SHROOM3: variants seen among roughly 807,000 people sequenced by gnomAD.
The protein encoded by SHROOM3 is shroom family member 3, also known as protein Shroom3.
Under a neutral mutation model 138.6 loss-of-function variants are expected in SHROOM3, and 47 were observed. The observed-to-expected ratio is 0.34, with a 90% CI of 0.27 to 0.43. The LOEUF is 0.43. SHROOM3 is among the 20% of genes least tolerant of loss of function. SHROOM3 has a pLI of 1.00. For synonymous variants in SHROOM3, 1,062 were observed against 1,063.3 expected, an observed-to-expected ratio of 1.00 and a Z score of 0.02; for missense variants, 2,491 against 2,596.5, an observed-to-expected ratio of 0.96 and a Z score of 0.88.
intron 1 of SHROOM3, among the ~76,000 whole-genome samples, chr4:76,518,604 A>G (rs1732497774): frequency 6.7e-6 from 1 of 149,412 alleles, no homozygotes; most frequent in Non-Finnish European, 1.5e-5. Context: ...CCTGTGTTAA[A>G]TAATCTGAAT....
chr4:76,742,772 C>G (rs1356312775), intron 5 of SHROOM3, among the ~76,000 whole-genome samples: 1 of 152,182 alleles, frequency 6.6e-6, no homozygotes, highest in Non-Finnish European at 1.5e-5. Flanking sequence ...CCTCATGCTT[C>G]CCTTCCCACC....
At position 76,775,128 on chromosome 4, in the gene SHROOM3, C is replaced by A. The variant is rs1180420838; in HGVS notation, c.5623-3681C>A. On this transcript the variant is annotated intron_variant, in intron 10 of 10. Coordinates refer to ENST00000296043, the MANE Select transcript of SHROOM3 (RefSeq NM_020859.4). Reference sequence around the variant, plus strand: ...CCACCTCCCACCCTTCCCGCTGAGTCCCCGAAGTCCTTTGTATCCTTCTTA... The same window carrying A: ...CCACCTCCCACCCTTCCCGCTGAGTACCCGAAGTCCTTTGTATCCTTCTTA... Among the ~76,000 whole-genome samples the A allele has an allele frequency of 2.0e-5, 3 of 152,080 alleles. No individual in the cohort carries two copies. The East Asian group carries it at 5.8e-4, about 29-fold the overall frequency.
chr4:76,775,789 CATATATATACACACATACT>C lies in SHROOM3; in HGVS notation c.5623-3004_5623-2986del, dbSNP rs1722540819. On this transcript the variant is annotated intron_variant, in intron 10 of 10. Transcript: ENST00000296043. ...ATATGTGTACATACACATATATACA[CATATATATACACACATACT>C]ATATATATACACACACACACACACA... Among the ~76,000 whole-genome samples, 3 of 151,328 alleles carry C rather than the reference CATATATATACACACATACT, an allele frequency of 2.0e-5. No homozygotes were observed. In the South Asian group the frequency reaches 6.3e-4, roughly 32 times the overall value.
At chr4:76,671,604 C>T (rs1176342326) in intron 2 of SHROOM3, among the ~76,000 whole-genome samples, 1 of 152,176 alleles carries the variant, frequency 6.6e-6, no homozygotes, top group Non-Finnish European at 1.5e-5. Flanking sequence ...CTTTTGCAAT[C>T]CCTCAGTTCC....
chr4:76,748,246 A>G (rs557417221), intron 5 of SHROOM3, among the ~76,000 whole-genome samples: 51 of 152,340 alleles, frequency 3.3e-4, no homozygotes, highest in South Asian at 1.4e-3. Flanking sequence ...AAATGGCAAA[A>G]TAAATTACTG....
Position 76,739,986 on chromosome 4 carries a change from T to C in SHROOM3, c.1813T>C (p.Cys605Arg). The C allele has an allele frequency of 1.2e-6, 2 of 1,614,058 alleles. No individual in the cohort carries two copies. The highest frequency in any genetic ancestry group is 1.1e-5 in the South Asian group (1 of 91,092). ...ATCTTCTCATCCCCACAGCCTCAAATGCCCTCAGGCTCAGGCCTGGCAAGC... is the reference window on the plus strand; with the variant it reads ...ATCTTCTCATCCCCACAGCCTCAAACGCCCTCAGGCTCAGGCCTGGCAAGC... ...KPSSHPHSLK[C>R]PQAQAWQAGE... The change falls in exon 5 of 11, where the codon TGC (cysteine) becomes CGC (arginine). Residue 605 changes from cysteine (C) to arginine (R), a missense_variant. By Grantham distance (180) the Cys-to-Arg change is radical. This residue lies in a region of SHROOM3 where 1,733 missense variants were observed against 1,661.6 expected (regional missense o/e 1.04). Transcript: ENST00000296043.
chr4:76,694,068 A>T (rs1379745937), intron 2 of SHROOM3, among the ~76,000 whole-genome samples: 2 of 152,208 alleles, frequency 1.3e-5, no homozygotes, highest in Non-Finnish European at 2.9e-5. Flanking sequence ...TAGTTTATTT[A>T]ATCTATTAAG....
chr4:76,567,542 T>C (rs751948618), intron 2 of SHROOM3, among the ~76,000 whole-genome samples: 5 of 151,996 alleles, frequency 3.3e-5, no homozygotes, highest in African/African-American at 9.7e-5. Flanking sequence ...CCCAGCTACT[T>C]AGGAGGCTGA....
At chr4:76,614,599 C>T (rs975410602) in intron 2 of SHROOM3, among the ~76,000 whole-genome samples, 1 of 152,094 alleles carries the variant, frequency 6.6e-6, no homozygotes, top group Non-Finnish European at 1.5e-5. Context: ...GTTTTAAGCC[C>T]TGCATGCATT....
At chr4:76,524,984 A>G (rs1732659632) in intron 1 of SHROOM3, among the ~76,000 whole-genome samples, 1 of 152,228 alleles carries the variant, frequency 6.6e-6, no homozygotes, top group East Asian at 1.9e-4. Context: ...TTGCTAGATC[A>G]TATGTTTTGA....
chr4:76,558,824 G>A (rs1733540410), intron 2 of SHROOM3, among the ~76,000 whole-genome samples: 1 of 152,218 alleles, frequency 6.6e-6, no homozygotes, highest in Admixed American at 6.5e-5. Flanking sequence ...TCCAAGTGAA[G>A]AGAATAGTTC....
intron 2 of SHROOM3, among the ~76,000 whole-genome samples, chr4:76,663,915 T>A (rs1718612567): frequency 6.6e-6 from 1 of 152,180 alleles, no homozygotes; most frequent in African/African-American, 2.4e-5. Context: ...CCTCTTGGTC[T>A]CTGTAGGAAC....
At chr4:76,622,371 A>G (rs547733312) in intron 2 of SHROOM3, among the ~76,000 whole-genome samples, 1 of 152,098 alleles carries the variant, frequency 6.6e-6, no homozygotes, top group African/African-American at 2.4e-5. Flanking sequence ...TTGAATGTCA[A>G]TAAAATGGCC....
intron 2 of SHROOM3, among the ~76,000 whole-genome samples, chr4:76,593,544 A>AT (rs1225154295): frequency 6.6e-6 from 1 of 152,180 alleles, no homozygotes; most frequent in Non-Finnish European, 1.5e-5. Flanking sequence ...AAGTTCCACT[A>AT]TTTTTGATGA....
chr4:76,633,736 A>C (rs914767879), intron 2 of SHROOM3, among the ~76,000 whole-genome samples: 6 of 152,018 alleles, frequency 3.9e-5, no homozygotes, highest in Non-Finnish European at 8.8e-5. Flanking sequence ...TTGTTTCAGC[A>C]AAAAATCTTC....
At chr4:76,663,208 A>G (rs1005664721) in intron 2 of SHROOM3, among the ~76,000 whole-genome samples, 6 of 152,190 alleles carry the variant, frequency 3.9e-5, no homozygotes, top group Non-Finnish European at 7.4e-5. Flanking sequence ...AAGAAAAGTT[A>G]TACTTTGTCA....
At chr4:76,746,834 T>C (rs1464076158) in intron 5 of SHROOM3, among the ~76,000 whole-genome samples, 1 of 146,584 alleles carries the variant, frequency 6.8e-6, no homozygotes, top group African/African-American at 2.5e-5. Context: ...ATTATTATTT[T>C]GAGACGGAGT....
rs1391104688 is a variant in SHROOM3 at position 76,661,306 on chromosome 4, C to CT, written c.324-48850_324-48849insT. ...AGTGCAATGGCGCGATCTCGGCTCA[C>CT]ACAAGCTCCACCTCCTGGGTTCACG... is the stretch of plus-strand genomic sequence containing the variant. On this transcript the variant is annotated intron_variant, in intron 2 of 10. Transcript: ENST00000296043. 6.8e-4 allele frequency among the ~76,000 whole-genome samples: 103 copies of CT among 152,022 alleles called. 1 individual carries two copies. The highest frequency in any genetic ancestry group is 2.3e-3 in the African/African-American group (96 of 41,458).
At chr4:76,528,544 C>CTTTTTTTTTTTTTTTTTTTTT (rs146962643) in intron 1 of SHROOM3, among the ~76,000 whole-genome samples, 12 of 103,444 alleles carry the variant, frequency 1.2e-4, no homozygotes, top group East Asian at 6.0e-4. Flanking sequence ...ATCTTTCTTT[C>CTTTTTTTTTTTTTTTTTTTTT]TTTCTTTTTT....
Sources: gnomAD v4.1 joint callset for allele counts (sites outside exome capture counted in the v4.1 genomes callset) on GRCh38, gnomAD v4.1.1 for gene constraint, gnomAD v4.1.1 regional missense constraint, MANE v1.5 for transcripts, NCBI Gene and HGNC (gene_info 2026-07-23, HGNC 2026-07-21) for gene names.